OR2H1: variants seen among roughly 807,000 people sequenced by gnomAD.
OR2H1 encodes olfactory receptor 2H1.
For synonymous variants in OR2H1, 155 were observed against 155.2 expected (o/e 1.00, Z 0.01); for missense variants, 380 against 367.3 (o/e 1.03, Z -0.28).
intron 3 of OR2H1, 177 bp from the exon 4 acceptor site, chr6:29,461,318 A>G (rs1787218718): frequency 6.0e-6 from 1 of 166,258 alleles, no homozygotes; most frequent in African/African-American, 2.4e-5. Flanking sequence ...ATACATATGA[A>G]TAGTAGGGCA....
rs1240200107 is a variant in OR2H1, at chr6:29,462,406, C to G, written c.637C>G (p.Leu213Val). ...CGTGGTTGTGCCTCTCAGCCTCATC[C>G]TTGCCTCTTATGGAGCCACTGCCCA... is the stretch of plus-strand genomic sequence containing the variant. Reference protein sequence around the residue: ...IFVVVPLSLILASYGATAQAV... With the variant: ...IFVVVPLSLIVASYGATAQAV... Residue 213 changes from leucine to valine, a missense_variant, in exon 4 of 4, where the codon CTT becomes GTT. Physicochemically the swap from Leu to Val is conservative, Grantham distance 32. Transcript: ENST00000377133. 2 of 1,612,996 alleles carry G rather than the reference C, an allele frequency of 1.2e-6. No homozygotes were observed. Among genetic ancestry groups the G allele is most frequent in the Non-Finnish European group, 1.7e-6 (2 of 1,180,046 alleles).
At position 29,462,474 on chromosome 6, in the gene OR2H1, C is replaced by A. The variant is rs1787420432; in HGVS notation, c.705C>A (p.Ala235=). ...RINSATAWRK[A]FGTCSSHLTV... is the part of the protein sequence containing the mutation. ...ACTCTGCCACAGCATGGAGAAAGGC[C>A]TTTGGGACCTGCTCCTCCCATCTCA... is the stretch of plus-strand genomic sequence containing the variant. Residue 235 remains alanine, a synonymous_variant, in exon 4 of 4, where the codon GCC becomes GCA. Coordinates refer to ENST00000377133, the MANE Select transcript of OR2H1 (RefSeq NM_030883.5). The A allele has an allele frequency of 5.6e-6, 9 of 1,613,080 alleles. No individual in the cohort carries two copies. The highest frequency in any genetic ancestry group is 7.6e-6 in the Non-Finnish European group (9 of 1,180,040).
rs755310168 is a variant in OR2H1 at position 29,462,494 on chromosome 6, A to C, written c.725A>C (p.His242Pro). The change falls in exon 4 of 4, where the codon CAT (histidine) becomes CCT (proline). Residue 242 changes from histidine (H) to proline (P), a missense_variant. Coordinates refer to ENST00000377133, the MANE Select transcript of OR2H1 (RefSeq NM_030883.5). Reference protein sequence around the residue: ...WRKAFGTCSSHLTVVTLFYSS... With the variant: ...WRKAFGTCSSPLTVVTLFYSS... ...AAGGCCTTTGGGACCTGCTCCTCCC[A>C]TCTCACTGTGGTCACCCTCTTCTAC... The C allele has an allele frequency of 2.4e-5, 38 of 1,612,948 alleles. No homozygotes were observed. The highest frequency in any genetic ancestry group is 3.0e-5 in the Non-Finnish European group (35 of 1,180,028).
chr6:29,461,369 CATA>C (rs1787224262), intron 3 of OR2H1, 123 bp from the exon 4 acceptor site: 2 of 194,484 alleles, frequency 1.0e-5, no homozygotes, highest in Non-Finnish European at 2.1e-5. Flanking sequence ...TATGGATGTA[CATA>C]ATGAAATATT....
chr6:29,459,052 G>A (rs1786882795), intron 2 of OR2H1, among the ~76,000 whole-genome samples: 1 of 152,110 alleles, frequency 6.6e-6, no homozygotes, highest in South Asian at 2.1e-4. Context: ...ATTAAAGATA[G>A]AAAATAGGAG....
chr6:29,462,594 C>T lies in OR2H1; in HGVS notation c.825C>T (p.Phe275=). 6.2e-7 allele frequency: 1 copy of T among 1,613,068 alleles called. No individual in the cohort carries two copies. The highest frequency in any genetic ancestry group is 8.5e-7 in the Non-Finnish European group (1 of 1,180,022). ...GGAGGGGCAAGTTCTTTGGTCTCTT[C>T]TATGCAGTGGGCACTCCTTCACTTA... The part of the protein sequence containing the change: ...AQGRGKFFGL[F]YAVGTPSLNP... The change falls in exon 4 of 4, where the codon TTC becomes TTT. Residue 275 remains phenylalanine (F), a synonymous_variant. Coordinates refer to ENST00000377133, the MANE Select transcript of OR2H1 (RefSeq NM_030883.5).
At chr6:29,457,256 G>A (rs1786472715) in intron 1 of OR2H1, 49 bp downstream of exon 1, 1 of 152,040 alleles carries the variant, frequency 6.6e-6, no homozygotes, top group Non-Finnish European at 1.5e-5. Flanking sequence ...GAAAATTGGG[G>A]GCCATATTTT....
intron 1 of OR2H1, among the ~76,000 whole-genome samples, chr6:29,458,074 G>T (rs748131721): frequency 2.8e-4 from 43 of 152,286 alleles, no homozygotes; most frequent in Non-Finnish European, 5.3e-4. Flanking sequence ...GTCACTAAAA[G>T]AGAGGTTAAC....
Position 29,462,331 on chromosome 6 carries a change from G to A in OR2H1, c.562G>A (p.Gly188Arg). ...EVPSLIRLSCGDTSYNEIQLA... is the reference protein window; with the variant it reads ...EVPSLIRLSCRDTSYNEIQLA... ...CCCATCTCTGATTCGACTCTCCTGT[G>A]GAGATACCTCCTACAATGAAATCCA... The change falls in exon 4 of 4, where the codon GGA (glycine) becomes AGA (arginine). Residue 188 changes from glycine (G) to arginine (R), a missense_variant. Gly to Arg is a moderately radical substitution (Grantham distance 125, BLOSUM62 -2). Coordinates refer to ENST00000377133, the MANE Select transcript of OR2H1 (RefSeq NM_030883.5). 6.2e-7 allele frequency: 1 copy of A among 1,613,126 alleles called. No homozygotes were observed. Among genetic ancestry groups the A allele is most frequent in the South Asian group, 1.1e-5 (1 of 91,082 alleles).
chr6:29,459,569 G>C (rs1398416845), intron 2 of OR2H1, among the ~76,000 whole-genome samples: 1 of 152,204 alleles, frequency 6.6e-6, no homozygotes, highest in East Asian at 1.9e-4. Flanking sequence ...ACACCAGACA[G>C]GGTCCTGTGA....
At chr6:29,461,376 A>C (rs1020652045) in intron 3 of OR2H1, 119 bp from the exon 4 acceptor site, 9 of 202,724 alleles carry the variant, frequency 4.4e-5, no homozygotes, top group African/African-American at 1.4e-4. Context: ...GTACATAATG[A>C]AATATTCAGA....
rs764438684 is a variant in OR2H1 at position 29,461,979 on chromosome 6, C to T, written c.210C>T (p.Cys70=). The T allele has an allele frequency of 6.2e-6, 10 of 1,613,220 alleles. No homozygotes were observed. The highest frequency in any genetic ancestry group is 5.5e-5 in the South Asian group (5 of 91,068). ...CTGACCTCTCCTTCTTGGACCTCTG[C>T]TTTACCACAAGTTGTGTCCCCCAGA... is the stretch of plus-strand genomic sequence containing the variant. The part of the protein sequence containing the change: ...FLSDLSFLDL[C]FTTSCVPQML... The change falls in exon 4 of 4, where the codon TGC becomes TGT. Residue 70 remains cysteine, a synonymous_variant. Coordinates refer to ENST00000377133, the MANE Select transcript of OR2H1 (RefSeq NM_030883.5).
Position 29,462,430 on chromosome 6 carries a change from C to T in OR2H1, c.661C>T (p.Gln221Ter). 6.2e-7 allele frequency: 1 copy of T among 1,613,140 alleles called. No individual in the cohort carries two copies. The highest frequency in any genetic ancestry group is 8.5e-7 in the Non-Finnish European group (1 of 1,180,038). Residue 221 changes from glutamine (Q) to a stop codon, truncating the protein, a stop_gained, in exon 4 of 4, where the codon CAG (glutamine) becomes TAG (stop). Transcript: ENST00000377133. LOFTEE classifies it low-confidence loss of function (END_TRUNC). ...LILASYGATA[Q>*]AVLRINSATA... ...CCTTGCCTCTTATGGAGCCACTGCC[C>T]AGGCAGTGCTGAGGATTAACTCTGC...
chr6:29,461,748 C>T lies in OR2H1; in HGVS notation c.-22C>T. On this transcript the variant is annotated 5_prime_UTR_variant, in exon 4 of 4. Transcript: ENST00000377133. ...CACTGGGGTGACAGCCTCATCCCTC[C>T]AGGTACAAACAAGAACAGGCCATGG... 1 of 1,585,020 alleles carries T rather than the reference C, an allele frequency of 6.3e-7. No homozygotes were observed. The highest frequency in any genetic ancestry group is 8.6e-7 in the Non-Finnish European group (1 of 1,158,468).
At position 29,462,263 on chromosome 6, in the gene OR2H1, C is replaced by T; in HGVS notation, c.494C>T (p.Pro165Leu). ...CAGACACCATCCACCCTCCACTTGC[C>T]CTTCTGTCCCCACCAGCAGATAGAT... Reference protein sequence around the residue: ...IVQTPSTLHLPFCPHQQIDDF... With the variant: ...IVQTPSTLHLLFCPHQQIDDF... The change falls in exon 4 of 4, where the codon CCC (proline) becomes CTC (leucine). Residue 165 changes from proline (P) to leucine (L), a missense_variant. Physicochemically the swap from Pro to Leu is moderately conservative, Grantham distance 98. Transcript: ENST00000377133. The T allele has an allele frequency of 1.2e-6, 2 of 1,613,352 alleles. No individual in the cohort carries two copies. Among genetic ancestry groups the T allele is most frequent in the South Asian group, 1.1e-5 (1 of 91,084 alleles).
At chr6:29,458,027 C>A (rs936557382) in intron 1 of OR2H1, among the ~76,000 whole-genome samples, 1 of 152,170 alleles carries the variant, frequency 6.6e-6, no homozygotes, top group Non-Finnish European at 1.5e-5. Flanking sequence ...GATTCCTCCC[C>A]CCATCATCTC....
chr6:29,457,721 G>A lies in OR2H1; in HGVS notation c.-443+514G>A, dbSNP rs145029568. The stretch of plus-strand genomic sequence containing the variant: ...AAAAAGAGAAAGGAAATAAACCAAA[G>A]TCAGGGGGGATTGAATGAGCACATT... On this transcript the variant is annotated intron_variant, in intron 1 of 3. Transcript: ENST00000377133. Among the ~76,000 whole-genome samples the A allele has an allele frequency of 6.6e-3, 1,004 of 152,290 alleles. 9 individuals carry two copies. Among genetic ancestry groups the A allele is most frequent in the Middle Eastern group, 0.01 (3 of 294 alleles).
At chr6:29,457,905 C>T (rs1786631712) in intron 1 of OR2H1, among the ~76,000 whole-genome samples, 1 of 152,190 alleles carries the variant, frequency 6.6e-6, no homozygotes, top group Admixed American at 6.5e-5. Flanking sequence ...TGAATCTTCA[C>T]ATTCCTTCTT....
intron 1 of OR2H1, 98 bp from the exon 2 acceptor site, chr6:29,458,356 G>C (rs928899110): frequency 6.6e-6 from 1 of 152,186 alleles, no homozygotes; most frequent in Admixed American, 6.5e-5. Context: ...AATATGAAGC[G>C]CTTTTTTGAG....
Sources: allele counts gnomAD v4.1 joint callset (sites outside exome capture counted in the v4.1 genomes callset), GRCh38; gene constraint gnomAD v4.1.1; transcripts MANE v1.5; gene names NCBI Gene and HGNC (gene_info 2026-07-23, HGNC 2026-07-21).